Variants in DOCK1 observed in about 807,000 individuals in gnomAD.
The protein encoded by DOCK1 is dedicator of cytokinesis 1, also known as dedicator of cytokinesis protein 1.
DOCK1 carries 138 observed loss-of-function variants against 262.7 expected under a neutral mutation model. The observed-to-expected ratio is 0.53, with a 90% CI of 0.46 to 0.61. The LOEUF (loss-of-function observed/expected upper bound fraction) is 0.61. Among genes scored for constraint, DOCK1 ranks in the 20% least tolerant of loss-of-function variants. The probability of loss-of-function intolerance (pLI) is 0.00; values close to 1 mark genes in which losing one functional copy is unlikely to be tolerated. For synonymous variants in DOCK1, 866 were observed against 867.4 expected, an observed-to-expected ratio of 1.00 and a Z score of 0.03; for missense variants, 1,908 against 2,370.7, an observed-to-expected ratio of 0.80 and a Z score of 4.05.
intron 27 of DOCK1, among the ~76,000 whole-genome samples, chr10:127,141,447 A>C (rs528958196): frequency 1.8e-4 from 27 of 152,274 alleles, no homozygotes; most frequent in African/African-American, 6.3e-4. Context: ...TCATGCCTGT[A>C]ATCCTAGCAC....
intron 27 of DOCK1, among the ~76,000 whole-genome samples, chr10:127,195,549 A>T (rs955997227): frequency 2.7e-5 from 4 of 146,840 alleles, no homozygotes; most frequent in Non-Finnish European, 4.5e-5. Context: ...AATCAGCCGT[A>T]CTTGTACTTT....
chr10:127,346,755 G>C (rs888667409), intron 31 of DOCK1, among the ~76,000 whole-genome samples: 2 of 152,248 alleles, frequency 1.3e-5, no homozygotes, highest in Non-Finnish European at 2.9e-5. Context: ...GAGCCACCCA[G>C]GGCCTCTGCC....
intron 27 of DOCK1, among the ~76,000 whole-genome samples, chr10:127,210,153 G>C (rs1269652481): frequency 6.6e-6 from 1 of 152,222 alleles, no homozygotes; most frequent in Admixed American, 6.5e-5. Context: ...GTGAGAATGA[G>C]ATTTTTTATG....
intron 29 of DOCK1, among the ~76,000 whole-genome samples, chr10:127,293,966 A>T (rs897503273): frequency 2.0e-5 from 3 of 152,188 alleles, no homozygotes; most frequent in Admixed American, 6.5e-5. Flanking sequence ...TGCCTCCATC[A>T]TGCAGGCGTA....
At chr10:127,261,335 G>A (rs372788186) in intron 29 of DOCK1, among the ~76,000 whole-genome samples, 2 of 139,856 alleles carry the variant, frequency 1.4e-5, no homozygotes, top group East Asian at 2.2e-4. Flanking sequence ...GCATGTGGGT[G>A]TGCGTGTGTG....
At chr10:127,004,249 AAG>A (rs1167598982) in intron 10 of DOCK1, among the ~76,000 whole-genome samples, 5 of 70,576 alleles carry the variant, frequency 7.1e-5, no homozygotes, top group African/African-American at 2.3e-4. Flanking sequence ...CAAAAAAAAA[AAG>A]AAAAGAAAAC....
chr10:127,175,948 TCTC>T lies in DOCK1; in HGVS notation c.2847+48185_2847+48187del. 1 of 1,614,196 alleles carries T rather than the reference TCTC, an allele frequency of 6.2e-7. No homozygotes were observed. The highest frequency in any genetic ancestry group is 8.5e-7 in the Non-Finnish European group (1 of 1,180,038). ...TCCTCCATGGGTCCAGCCTCGTTCT[TCTC>T]TTTCGCATCTGTTAGAAACCCATTG... On this transcript the variant is annotated intron_variant, in intron 27 of 51. Transcript: ENST00000623213. The surrounding 1 kb of genome is among the most constrained non-coding windows in gnomAD (Gnocchi z 6.3).
Position 127,436,989 on chromosome 10 carries a change from C to T in DOCK1, c.5061-2038C>T, listed in dbSNP as rs75903590. 8.2e-3 allele frequency among the ~76,000 whole-genome samples: 1,254 copies of T among 152,254 alleles called. 42 individuals carry two copies. The East Asian group carries it at 0.096, about 12-fold the overall frequency. On this transcript the variant is annotated intron_variant, in intron 48 of 51. Coordinates refer to ENST00000623213, the MANE Select transcript of DOCK1 (RefSeq NM_001290223.2). The stretch of plus-strand genomic sequence containing the variant: ...GGAAATCCTAGGTTGTGTATCCTGT[C>T]ATGGTCCCCACCATCAGGACTCTGC...
intron 23 of DOCK1, among the ~76,000 whole-genome samples, chr10:127,096,674 A>G (rs2047929219): frequency 6.6e-6 from 1 of 151,782 alleles, no homozygotes. Flanking sequence ...CATCAGTAAT[A>G]TTTTTAGCCA....
At chr10:127,428,560 G>A (rs553313608) in intron 47 of DOCK1, among the ~76,000 whole-genome samples, 1 of 146,758 alleles carries the variant, frequency 6.8e-6, no homozygotes, top group Admixed American at 6.9e-5. Flanking sequence ...GTGTGGATTG[G>A]GGTGCCATGT....
intron 12 of DOCK1, among the ~76,000 whole-genome samples, chr10:127,014,367 G>C (rs554474754): frequency 6.6e-6 from 1 of 152,194 alleles, no homozygotes; most frequent in East Asian, 1.9e-4. Flanking sequence ...TGTGAGAAAA[G>C]CATTTAAAAC....
chr10:127,268,662 C>T (rs2060460236), intron 29 of DOCK1, among the ~76,000 whole-genome samples: 1 of 152,108 alleles, frequency 6.6e-6, no homozygotes, highest in Non-Finnish European at 1.5e-5. Flanking sequence ...TAGCAGCTAG[C>T]TGCTGAAGAT....
chr10:127,206,463 T>C (rs1207117880), intron 27 of DOCK1, among the ~76,000 whole-genome samples: 2 of 152,202 alleles, frequency 1.3e-5, no homozygotes, highest in Non-Finnish European at 2.9e-5. Flanking sequence ...TTCTTATATA[T>C]ACATGTGTAT....
At position 127,437,662 on chromosome 10, in the gene DOCK1, C is replaced by G. The variant is rs946209575; in HGVS notation, c.5061-1365C>G. 1.3e-4 allele frequency among the ~76,000 whole-genome samples: 20 copies of G among 151,984 alleles called. No individual in the cohort carries two copies. Among genetic ancestry groups the G allele is most frequent in the East Asian group, 5.8e-4 (3 of 5,166 alleles). The stretch of plus-strand genomic sequence containing the variant: ...CCCAGCTAATTTTTGTACGTTTTAT[C>G]GAGACTGGATCTTGCCATGTTGGCC... On this transcript the variant is annotated intron_variant, in intron 48 of 51. Transcript: ENST00000623213. This position sits in a 1 kb window ranked among gnomAD's most constrained non-coding sequence, Gnocchi z 4.4.
intron 32 of DOCK1, among the ~76,000 whole-genome samples, chr10:127,356,250 G>C (rs2064138312): frequency 6.6e-6 from 1 of 152,194 alleles, no homozygotes; most frequent in Non-Finnish European, 1.5e-5. Flanking sequence ...TCTAGGCTCA[G>C]AGTCAAGAGA....
chr10:126,911,610 G>GT (rs937567394), intron 1 of DOCK1, among the ~76,000 whole-genome samples: 1 of 152,170 alleles, frequency 6.6e-6, no homozygotes, highest in African/African-American at 2.4e-5. Flanking sequence ...AGGGGTCAGA[G>GT]TTTGAGTTTT....
chr10:127,396,974 G>A (rs1486893275), intron 38 of DOCK1, among the ~76,000 whole-genome samples: 161 of 101,142 alleles, frequency 1.6e-3, no homozygotes, highest in African/African-American at 2.0e-3. Context: ...AGCGTCTCCT[G>A]TGATCTGAGC....
At chr10:127,288,062 A>G (rs2061222153) in intron 29 of DOCK1, among the ~76,000 whole-genome samples, 1 of 152,256 alleles carries the variant, frequency 6.6e-6, no homozygotes, top group Non-Finnish European at 1.5e-5. Context: ...TTAATTATCT[A>G]TTTGCTAAAT....
intron 27 of DOCK1, among the ~76,000 whole-genome samples, chr10:127,159,281 A>T (rs1487926915): frequency 3.3e-5 from 5 of 152,168 alleles, no homozygotes; most frequent in Admixed American, 3.3e-4. Flanking sequence ...AACTTGGCTT[A>T]CAGAACACAG....
Sources: gnomAD v4.1 joint callset for allele counts (sites outside exome capture counted in the v4.1 genomes callset) on GRCh38, gnomAD v4.1.1 for gene constraint, Gnocchi (gnomAD v3.1) non-coding constraint, MANE v1.5 for transcripts, NCBI Gene and HGNC (gene_info 2026-07-23, HGNC 2026-07-21) for gene names.